HHIP: variants seen among roughly 807,000 people sequenced by gnomAD.
The protein encoded by HHIP is hedgehog interacting protein.
Under a neutral mutation model 74.0 loss-of-function variants are expected in HHIP, and 12 were observed. The observed-to-expected ratio is 0.16, with a 90% CI of 0.10 to 0.26. The LOEUF (loss-of-function observed/expected upper bound fraction) is 0.26. Among genes scored for constraint, HHIP ranks in the 10% least tolerant of loss-of-function variants. HHIP has a pLI of 1.00. For synonymous variants in HHIP, 309 were observed against 311.6 expected (o/e 0.99, Z 0.09); for missense variants, 788 against 845.0 (o/e 0.93, Z 0.84).
intron 4 of HHIP, among the ~76,000 whole-genome samples, chr4:144,662,981 G>C (rs1411097641): frequency 2.0e-5 from 3 of 152,066 alleles, no homozygotes; most frequent in Non-Finnish European, 4.4e-5. Context: ...TCACCCAGGA[G>C]CTTTCAAAAA....
In HHIP at chr4:144,658,812, T is replaced by C. The variant is rs139382058; in HGVS notation, c.495T>C (p.Asp165=). 3,014 of 1,612,742 alleles carry C rather than the reference T, an allele frequency of 1.9e-3. 3 individuals are homozygous for C. The highest frequency in any genetic ancestry group is 2.4e-3 in the Non-Finnish European group (2,796 of 1,179,188). The change falls in exon 3 of 13, where the codon GAT becomes GAC. Residue 165 remains aspartate (D), a synonymous_variant. Transcript: ENST00000296575. The part of the protein sequence containing the change: ...HIPGFLQTTA[D]EFCFYYARKD... ...AAGGTTTCCTTCAAACAACTGCGGATGAGTTTTGCTTTTACTATGCAAGAA... is the reference window on the plus strand; with the variant it reads ...AAGGTTTCCTTCAAACAACTGCGGACGAGTTTTGCTTTTACTATGCAAGAA...
At chr4:144,657,970 C>G (rs1213825574) in intron 2 of HHIP, among the ~76,000 whole-genome samples, 2 of 152,060 alleles carry the variant, frequency 1.3e-5, no homozygotes, top group Admixed American at 1.3e-4. Flanking sequence ...ATATAATGAC[C>G]TTGTGTTATT....
chr4:144,647,157 G>T, intron 1 of HHIP: 1 of 519,564 alleles, frequency 1.9e-6, no homozygotes, highest in Non-Finnish European at 3.4e-6. Context: ...CAGAGTCCGC[G>T]GTCGGGATGC....
chr4:144,646,907 T>TA lies in HHIP; in HGVS notation c.232_233insA (p.Cys78Ter). 6.2e-7 allele frequency: 1 copy of TA among 1,613,760 alleles called. No homozygotes were observed. The highest frequency in any genetic ancestry group is 8.5e-7 in the Non-Finnish European group (1 of 1,179,704). The change falls in exon 1 of 13, where the codon TGC (cysteine) becomes TAGC (stop). Residue 78 changes from cysteine to a stop codon, truncating the protein, a stop_gained and frameshift_variant. Transcript: ENST00000296575. LOFTEE classifies it high-confidence loss of function. ...LCGGFYPRLS[C>*]CLRSDSPGLG... ...CGGTGGCTTCTACCCTCGGCTGTCC[T>TA]GCTGCCTGCGGAGTGACAGCCCGGG...
intron 4 of HHIP, among the ~76,000 whole-genome samples, chr4:144,677,662 C>T (rs956123046): frequency 4.6e-5 from 7 of 152,160 alleles, no homozygotes; most frequent in African/African-American, 1.2e-4. Flanking sequence ...CAGACATTCA[C>T]GGCTTACAGA....
At chr4:144,709,110 G>A (rs1730222052) in intron 7 of HHIP, among the ~76,000 whole-genome samples, 1 of 152,180 alleles carries the variant, frequency 6.6e-6, no homozygotes, top group Non-Finnish European at 1.5e-5. Context: ...TATTCACTAA[G>A]TAGGTTATTA....
At chr4:144,707,578 C>T (rs1730180414) in intron 6 of HHIP, among the ~76,000 whole-genome samples, 1 of 147,466 alleles carries the variant, frequency 6.8e-6, no homozygotes, top group Non-Finnish European at 1.5e-5. Context: ...GCTAACACCG[C>T]CCAGCGAACC....
At chr4:144,713,395 A>G (rs1465846233) in intron 8 of HHIP, among the ~76,000 whole-genome samples, 3 of 152,184 alleles carry the variant, frequency 2.0e-5, no homozygotes, top group Non-Finnish European at 2.9e-5. Context: ...CATATACACC[A>G]TAATCACATG....
intron 4 of HHIP, among the ~76,000 whole-genome samples, chr4:144,696,578 T>C (rs1236606717): frequency 6.6e-6 from 1 of 151,878 alleles, no homozygotes; most frequent in African/African-American, 2.4e-5. Flanking sequence ...ATTTCTTCAT[T>C]TAGGAAGTAC....
Position 144,646,783 on chromosome 4 carries a change from G to A in HHIP, c.108G>A (p.Arg36=), listed in dbSNP as rs201282754. ...GERNEGSGAR[R]RRCLNGNPPK... ...GAAACGAAGGGAGCGGAGCAAGGAG[G>A]AGAAGGTGCCTGAATGGGAACCCCC... Residue 36 remains arginine (R), a synonymous_variant, in exon 1 of 13, where the codon AGG becomes AGA. Coordinates refer to ENST00000296575, the MANE Select transcript of HHIP (RefSeq NM_022475.3). 8.1e-5 allele frequency: 130 copies of A among 1,614,092 alleles called. No homozygotes were observed. Among genetic ancestry groups the A allele is most frequent in the Middle Eastern group, 4.9e-4 (3 of 6,084 alleles).
At chr4:144,664,442 A>G (rs1408444745) in intron 4 of HHIP, among the ~76,000 whole-genome samples, 1 of 152,244 alleles carries the variant, frequency 6.6e-6, no homozygotes, top group African/African-American at 2.4e-5. Flanking sequence ...CTCATCAACC[A>G]TGGAGGCTGA....
At chr4:144,666,869 T>G (rs1461744642) in intron 4 of HHIP, among the ~76,000 whole-genome samples, 3 of 152,234 alleles carry the variant, frequency 2.0e-5, no homozygotes, top group Admixed American at 2.0e-4. Flanking sequence ...TTTCTTTATC[T>G]GTTAAATAGA....
At chr4:144,660,569 T>C (rs1447703140) in intron 4 of HHIP, among the ~76,000 whole-genome samples, 2 of 152,064 alleles carry the variant, frequency 1.3e-5, no homozygotes, top group African/African-American at 4.8e-5. Flanking sequence ...CTGGTTATCC[T>C]TTTCATTTCT....
intron 4 of HHIP, among the ~76,000 whole-genome samples, chr4:144,699,634 T>TA (rs1465018542): frequency 6.6e-6 from 1 of 151,982 alleles, no homozygotes; most frequent in East Asian, 1.9e-4. Context: ...CTTAGTAGTA[T>TA]AAAATCAGGT....
chr4:144,725,890 C>T (rs1197744019), intron 11 of HHIP, among the ~76,000 whole-genome samples: 4 of 152,012 alleles, frequency 2.6e-5, no homozygotes, highest in East Asian at 1.9e-4. Context: ...AGGCTGGTCT[C>T]GAACTCCTGG....
chr4:144,719,247 C>T (rs1003231537), intron 11 of HHIP, among the ~76,000 whole-genome samples: 4 of 152,114 alleles, frequency 2.6e-5, no homozygotes, highest in African/African-American at 4.8e-5. Context: ...GGGGCCCTGA[C>T]GTGTGAGGCA....
intron 7 of HHIP, 51 bp downstream of exon 7, chr4:144,708,362 C>A: frequency 1.3e-6 from 2 of 1,593,966 alleles, no homozygotes; most frequent in Non-Finnish European, 8.6e-7. Flanking sequence ...GGCGGGGATC[C>A]GAGAACTGGG....
At position 144,739,413 on chromosome 4, in the gene HHIP, A is replaced by G. The variant is rs546659213; in HGVS notation, c.*1456A>G. The stretch of plus-strand genomic sequence containing the variant: ...CATTCCTCTAGAATCTAAATTGTAG[A>G]GCAGTATAGATTATGCAGCGCCAGC... On this transcript the variant is annotated 3_prime_UTR_variant, in exon 13 of 13. Transcript: ENST00000296575. 2.0e-5 allele frequency: 3 copies of G among 152,344 alleles called. No individual in the cohort carries two copies. In the South Asian group the frequency reaches 6.2e-4, roughly 32 times the overall value. The allele number at this position is 152,344 out of a possible 1,614,324, so 9.4% of individuals were successfully genotyped here.
intron 4 of HHIP, among the ~76,000 whole-genome samples, chr4:144,689,063 A>T (rs1282399271): frequency 1.3e-5 from 2 of 152,234 alleles, no homozygotes; most frequent in African/African-American, 4.8e-5. Context: ...CTTTCTATCA[A>T]TTGCTGGATT....
Sources: allele counts gnomAD v4.1 joint callset (sites outside exome capture counted in the v4.1 genomes callset), GRCh38; gene constraint gnomAD v4.1.1; transcripts MANE v1.5; gene names NCBI Gene and HGNC (gene_info 2026-07-23, HGNC 2026-07-21).